KCNQ4: variants seen among roughly 807,000 people sequenced by gnomAD.
KCNQ4 encodes the protein potassium voltage-gated channel subfamily Q member 4, also known as potassium voltage-gated channel subfamily KQT member 4.
A neutral mutation model predicts 72.6 loss-of-function variants in KCNQ4; 31 were observed. That is an observed-to-expected ratio of 0.43 (90% CI 0.32 to 0.58). KCNQ4 has a LOEUF of 0.58. KCNQ4 is among the 20% of genes least tolerant of loss of function. KCNQ4 has a pLI of 0.08. For missense variants in KCNQ4, 869 were observed against 962.6 expected (o/e 0.90, Z 1.29); for synonymous variants, 405 against 403.7 (o/e 1.00, Z -0.04).
chr1:40,811,796 TG>T (rs1440951591), intron 1 of KCNQ4, among the ~76,000 whole-genome samples: 13 of 152,130 alleles, frequency 8.5e-5, no homozygotes, highest in African/African-American at 3.1e-4. Context: ...CAGGCAGACA[TG>T]ATGGGCAAAG....
intron 1 of KCNQ4, among the ~76,000 whole-genome samples, chr1:40,813,797 G>C (rs1375018722): frequency 2.6e-5 from 4 of 152,096 alleles, no homozygotes; most frequent in Non-Finnish European, 5.9e-5. Flanking sequence ...GCCCAGGCTG[G>C]AGTGCAGTGG....
intron 1 of KCNQ4, among the ~76,000 whole-genome samples, chr1:40,791,565 A>G (rs1002456824): frequency 1.3e-5 from 2 of 152,206 alleles, no homozygotes; most frequent in Non-Finnish European, 2.9e-5. Flanking sequence ...AGCCCCAGGC[A>G]GCAGACTAAT....
chr1:40,824,129 G>A lies in KCNQ4; in HGVS notation c.1163G>A (p.Arg388Gln), dbSNP rs976622606. Residue 388 changes from arginine to glutamine, a missense_variant, in exon 9 of 14, where the codon CGG (arginine) becomes CAG (glutamine). Arg to Gln is a conservative substitution (Grantham distance 43, BLOSUM62 1). Coordinates refer to ENST00000347132, the MANE Select transcript of KCNQ4 (RefSeq NM_004700.4). Reference protein sequence around the residue: ...ELALLFEHVQRARNGGLRPLE... With the variant: ...ELALLFEHVQQARNGGLRPLE... The stretch of plus-strand genomic sequence containing the variant: ...GCCCTCTTGTTTGAGCACGTGCAAC[G>A]GGCCCGCAATGGGGGCCTACGGCCC... 7.7e-6 allele frequency: 12 copies of A among 1,560,650 alleles called. No individual in the cohort carries two copies. The highest frequency in any genetic ancestry group is 2.4e-5 in the East Asian group (1 of 41,636).
intron 10 of KCNQ4, among the ~76,000 whole-genome samples, chr1:40,831,813 A>C (rs1648658736): frequency 6.6e-6 from 1 of 152,352 alleles, no homozygotes; most frequent in Non-Finnish European, 1.5e-5. Flanking sequence ...AGCCCTGACT[A>C]TGCACTGCCC....
intron 10 of KCNQ4, 136 bp from the exon 11 acceptor site, chr1:40,832,878 C>CT: frequency 1.4e-6 from 1 of 714,408 alleles, no homozygotes; most frequent in Non-Finnish European, 2.5e-6. Context: ...ACAGGAGCCC[C>CT]AAGAAGGTTC....
rs797044971 is a variant in KCNQ4 at position 40,819,931 on chromosome 1, G to T, written c.891G>T (p.Arg297Ser). The T allele has an allele frequency of 6.2e-7, 1 of 1,614,218 alleles. No homozygotes were observed. The highest frequency in any genetic ancestry group is 1.1e-5 in the South Asian group (1 of 91,086). Reference protein sequence around the residue: ...GDKTPHTWLGRVLAAGFALLG... With the variant: ...GDKTPHTWLGSVLAAGFALLG... Reference sequence around the variant, plus strand: ...AGACACCGCACACATGGCTGGGCAGGGTCCTGGCTGCTGGCTTCGCCTTAC... The same window carrying T: ...AGACACCGCACACATGGCTGGGCAGTGTCCTGGCTGCTGGCTTCGCCTTAC... Residue 297 changes from arginine (R) to serine (S), a missense_variant, in exon 6 of 14, where the codon AGG becomes AGT. Transcript: ENST00000347132.
chr1:40,789,765 T>C (rs1647244867), intron 1 of KCNQ4, among the ~76,000 whole-genome samples: 1 of 152,146 alleles, frequency 6.6e-6, no homozygotes, highest in African/African-American at 2.4e-5. Flanking sequence ...CAAGAGGTGG[T>C]TATTATTCTT....
At position 40,820,851 on chromosome 1, in the gene KCNQ4, C is replaced by T. The variant is rs148896511; in HGVS notation, c.1041+591C>T. ...ATGGCGTGTTGTGACTGTGTGTGGG[C>T]TGAGGCCAGGGCTCTGATTTTCTGT... On this transcript the variant is annotated intron_variant, in intron 7 of 13. Transcript: ENST00000347132. 3.0e-3 allele frequency among the ~76,000 whole-genome samples: 455 copies of T among 152,296 alleles called. 3 individuals carry two copies. The highest frequency in any genetic ancestry group is 0.01 in the African/African-American group (427 of 41,550).
Position 40,784,457 on chromosome 1 carries a change from C to T in KCNQ4, c.314+50C>T. On this transcript the variant is annotated intron_variant, in intron 1 of 13. Coordinates refer to ENST00000347132, the MANE Select transcript of KCNQ4 (RefSeq NM_004700.4). The surrounding 1 kb of genome is among the most constrained non-coding windows in gnomAD (Gnocchi z 4.1). Reference sequence around the variant, plus strand: ...CCGCGTTTCCCCGCGCAAGCCTGGCCTCCCGGGGCACGGCCGCCCCGCCCT... The same window carrying T: ...CCGCGTTTCCCCGCGCAAGCCTGGCTTCCCGGGGCACGGCCGCCCCGCCCT... The T allele has an allele frequency of 6.4e-6, 10 of 1,572,442 alleles. No homozygotes were observed. Among genetic ancestry groups the T allele is most frequent in the Non-Finnish European group, 8.7e-6 (10 of 1,154,024 alleles).
At chr1:40,819,847 C>T (rs200564037) in intron 5 of KCNQ4, 28 bp from the exon 6 acceptor site, 2 of 1,567,930 alleles carry the variant, frequency 1.3e-6, no homozygotes, top group East Asian at 4.5e-5. Flanking sequence ...CGTGACCAGT[C>T]CTGCCTGTAA....
rs373400900 is a variant in KCNQ4, at chr1:40,784,425, C to T, written c.314+18C>T. ...GTCTTCATGTGAGTTTGCGACCCCG[C>T]GCCCTTCCGCGTTTCCCCGCGCAAG... is the stretch of plus-strand genomic sequence containing the variant. On this transcript the variant is annotated intron_variant, in intron 1 of 13. Transcript: ENST00000347132. This position sits in a 1 kb window ranked among gnomAD's most constrained non-coding sequence, Gnocchi z 4.1. The T allele has an allele frequency of 2.5e-6, 4 of 1,603,962 alleles. No homozygotes were observed. The East Asian group carries it at 6.7e-5, about 27-fold the overall frequency.
chr1:40,813,397 CAGGG>C (rs1647983314), intron 1 of KCNQ4, among the ~76,000 whole-genome samples: 1 of 152,006 alleles, frequency 6.6e-6, no homozygotes. Context: ...CTGGCCTGCC[CAGGG>C]ATAGATTCTG....
intron 5 of KCNQ4, 48 bp downstream of exon 5, chr1:40,819,520 T>A (rs1464669450): frequency 2.5e-6 from 4 of 1,608,738 alleles, no homozygotes; most frequent in Non-Finnish European, 1.7e-6. Context: ...GGATCCTCCC[T>A]GGGAACTTCC....
In KCNQ4 at chr1:40,788,793, A is replaced by C. The variant is rs1265930415; in HGVS notation, c.314+4386A>C. 1.3e-4 allele frequency among the ~76,000 whole-genome samples: 20 copies of C among 152,218 alleles called. No homozygotes were observed. Among genetic ancestry groups the C allele is most frequent in the Admixed American group, 1.3e-3 (20 of 15,286 alleles). ...TTTGTGGAATTGAGTGGAAACTGCC[A>C]GCCTCACCCAGTGCAGCCACGTTTT... On this transcript the variant is annotated intron_variant, in intron 1 of 13. Transcript: ENST00000347132. This position sits in a 1 kb window ranked among gnomAD's most constrained non-coding sequence, Gnocchi z 4.5.
chr1:40,818,313 A>ACCTGAAC (rs1553167271), intron 3 of KCNQ4, 23 bp downstream of exon 3: 10 of 1,612,918 alleles, frequency 6.2e-6, no homozygotes, highest in Non-Finnish European at 7.6e-6. Flanking sequence ...GCCCCGCCCG[A>ACCTGAAC]CCTGACCCCT....
chr1:40,795,931 T>G (rs1647395855), intron 1 of KCNQ4, among the ~76,000 whole-genome samples: 1 of 152,224 alleles, frequency 6.6e-6, no homozygotes, highest in Admixed American at 6.5e-5. Flanking sequence ...ACTGCTTCAT[T>G]TAATCCTTCC....
chr1:40,818,805 G>A (rs1246887405), intron 4 of KCNQ4, 125 bp downstream of exon 4: 2 of 1,109,196 alleles, frequency 1.8e-6, no homozygotes, highest in Non-Finnish European at 2.6e-6. Context: ...GGCCTGCGGG[G>A]GTTGGAGCCC....
rs1311054891 is a variant in KCNQ4 at position 40,838,363 on chromosome 1, G to T, written c.1928G>T (p.Cys643Phe). 10 of 1,613,940 alleles carry T rather than the reference G, an allele frequency of 6.2e-6. No homozygotes were observed. The highest frequency in any genetic ancestry group is 8.5e-6 in the Non-Finnish European group (10 of 1,179,942). ...LDLLLGFYSR[C>F]LRSGTSASLG... ...CTGCTGTTGGGCTTCTATTCGCGCT[G>T]CCTGCGCTCTGGCACCTCGGCCAGC... Residue 643 changes from cysteine to phenylalanine, a missense_variant, in exon 14 of 14, where the codon TGC becomes TTC. Around this residue, in one of 5 missense-constraint regions of KCNQ4, gnomAD observed 480 missense variants for 501.9 expected, o/e 0.96. Coordinates refer to ENST00000347132, the MANE Select transcript of KCNQ4 (RefSeq NM_004700.4).
chr1:40,819,738 A>G (rs1022333906), intron 5 of KCNQ4, 137 bp from the exon 6 acceptor site: 55 of 843,156 alleles, frequency 6.5e-5, no homozygotes, highest in Admixed American at 4.7e-4. Flanking sequence ...GGGAGAATCC[A>G]TCTATGACCC....
Sources: gnomAD v4.1 joint callset for allele counts (sites outside exome capture counted in the v4.1 genomes callset) on GRCh38, gnomAD v4.1.1 for gene constraint, gnomAD v4.1.1 regional missense constraint, Gnocchi (gnomAD v3.1) non-coding constraint, MANE v1.5 for transcripts, NCBI Gene and HGNC (gene_info 2026-07-23, HGNC 2026-07-21) for gene names.